The following SLC9A6 variants were observed in gnomAD, a reference collection of about 807,000 sequenced individuals.
SLC9A6 encodes solute carrier family 9 member A6, also known as sodium/hydrogen exchanger 6.
In SLC9A6, 6 loss-of-function variants were observed where a neutral mutation model predicts 45.3. The ratio of observed to expected loss-of-function variants is 0.13; its 90% CI spans 0.07 to 0.26. The LOEUF (loss-of-function observed/expected upper bound fraction) is 0.26. SLC9A6 is among the 10% of genes least tolerant of loss of function. The pLI is 1.00. For synonymous variants in SLC9A6, 191 were observed against 187.7 expected, an observed-to-expected ratio of 1.02 and a Z score of -0.14; for missense variants, 278 against 503.7, an observed-to-expected ratio of 0.55 and a Z score of 4.29.
chrX:135,989,120 C>T (rs189582706), intron 2 of SLC9A6, among the ~76,000 whole-genome samples: 21 of 111,409 alleles, frequency 1.9e-4, no homozygotes, highest in African/African-American at 5.5e-4. Flanking sequence ...GGGTTAGCTA[C>T]GTAAATCCTG....
rs1350533279 is a variant in SLC9A6 at position 136,046,344 on chromosome X, G to A, written c.*1620G>A. ...GTACCCTTTCGTGGCAGCTTTGACT[G>A]TTGGCATAGCCATTTGTTATGTAGT... On this transcript the variant is annotated 3_prime_UTR_variant, in exon 18 of 18. Coordinates refer to ENST00000630721, the MANE Select transcript of SLC9A6 (RefSeq NM_001379110.1). 4 of 112,516 alleles carry A rather than the reference G, an allele frequency of 3.6e-5. No homozygotes were observed. Among genetic ancestry groups the A allele is most frequent in the African/African-American group, 1.3e-4 (4 of 30,806 alleles). The allele number at this position is 112,516 out of a possible 1,213,427, so 9.3% of individuals were successfully genotyped here.
intron 11 of SLC9A6, among the ~76,000 whole-genome samples, chrX:136,017,074 G>A (rs188035012): frequency 1.2e-4 from 13 of 111,666 alleles, no homozygotes; most frequent in Admixed American, 3.8e-4. Context: ...GCAGTTAGCA[G>A]TCTATGCCAC....
chrX:136,004,369 G>A (rs1427213824), intron 7 of SLC9A6, among the ~76,000 whole-genome samples: 1 of 110,441 alleles, frequency 9.1e-6, no homozygotes, highest in East Asian at 2.8e-4. Flanking sequence ...AATTACAGGC[G>A]TGAGCCACCA....
At chrX:136,024,744 C>T (rs374286340) in intron 13 of SLC9A6, among the ~76,000 whole-genome samples, 13 of 111,700 alleles carry the variant, frequency 1.2e-4, no homozygotes, top group African/African-American at 4.2e-4. Flanking sequence ...TGAAGGTACT[C>T]TTGTAGCCTG....
intron 3 of SLC9A6, among the ~76,000 whole-genome samples, chrX:135,996,920 C>A (rs1264874983): frequency 9.1e-6 from 1 of 109,761 alleles, no homozygotes; most frequent in Admixed American, 9.7e-5. Context: ...GCGCCCGCCA[C>A]CACGCCCGGC....
At chrX:136,003,897 A>C (rs1249482542) in intron 7 of SLC9A6, among the ~76,000 whole-genome samples, 1 of 110,559 alleles carries the variant, frequency 9.0e-6, no homozygotes. Context: ...TAATCTCTAG[A>C]AGTGTTAATA....
At chrX:135,975,752 G>A (rs781791791) in intron 1 of SLC9A6, among the ~76,000 whole-genome samples, 3 of 111,858 alleles carry the variant, frequency 2.7e-5, no homozygotes, top group Non-Finnish European at 5.6e-5. Flanking sequence ...CTCACATTTT[G>A]ACAACCTTTT....
rs2279595 is a variant in SLC9A6, at chrX:136,030,034, T to G, written c.1551-98T>G. 0.032 allele frequency: 26,406 copies of G among 818,578 alleles called. 418 individuals carry two copies. Among genetic ancestry groups the G allele is most frequent in the South Asian group, 0.11 (5,092 of 48,351 alleles). The allele number at this position is 818,578 out of a possible 1,213,427, so 67.5% of individuals were successfully genotyped here. On this transcript the variant is annotated intron_variant, in intron 14 of 17. Transcript: ENST00000630721. ...AAGAAAACATTAACCATTCCATAGC[T>G]TCTGTGTTGAGAAAAGTAGTTGCCT... is the stretch of plus-strand genomic sequence containing the variant.
chrX:136,015,104 G>T (rs1556619126), intron 10 of SLC9A6, among the ~76,000 whole-genome samples: 1 of 112,806 alleles, frequency 8.9e-6, no homozygotes, highest in East Asian at 2.8e-4. Context: ...GCCACATCCG[G>T]CCCTTGCCAG....
intron 10 of SLC9A6, 54 bp downstream of exon 10, chrX:136,013,491 G>T: frequency 2.3e-6 from 2 of 871,957 alleles, no homozygotes; most frequent in Middle Eastern, 4.0e-4. Context: ...CAGCAAAATA[G>T]AAGTCTTTTT....
chrX:136,021,867 T>G (rs1029788028), intron 11 of SLC9A6, among the ~76,000 whole-genome samples: 4 of 112,013 alleles, frequency 3.6e-5, no homozygotes, highest in African/African-American at 1.3e-4. Flanking sequence ...TATATTTTTC[T>G]CAGGAAATGG....
At position 136,024,310 on chromosome X, in the gene SLC9A6, C is replaced by A. The variant is rs782640749; in HGVS notation, c.1307-20C>A. ...TTGGTAATGAGTTATTGAAGAAATA[C>A]CTTTTCTGTTCCCCTGTAGGCCTTC... On this transcript the variant is annotated intron_variant, in intron 12 of 17. Coordinates refer to ENST00000630721, the MANE Select transcript of SLC9A6 (RefSeq NM_001379110.1). 7.5e-6 allele frequency: 9 copies of A among 1,207,380 alleles called. No individual in the cohort carries two copies. The highest frequency in any genetic ancestry group is 1.0e-5 in the Non-Finnish European group (9 of 892,633).
chrX:136,012,507 C>T, intron 8 of SLC9A6, among the ~76,000 whole-genome samples: 1 of 112,929 alleles, frequency 8.9e-6, no homozygotes, highest in East Asian at 2.8e-4. Context: ...GGAATGAATG[C>T]TCTATATCAT....
At chrX:136,041,329 A>C (rs1283435482) in intron 17 of SLC9A6, among the ~76,000 whole-genome samples, 3 of 111,226 alleles carry the variant, frequency 2.7e-5, no homozygotes, top group Non-Finnish European at 5.7e-5. Flanking sequence ...ATTCCCTGTG[A>C]GTGAACCTCA....
intron 14 of SLC9A6, chrX:136,029,452 C>T (rs1470679631): frequency 9.0e-6 from 1 of 110,928 alleles, no homozygotes; most frequent in Admixed American, 9.6e-5. Flanking sequence ...CACGACAGAG[C>T]CCGTGAGCCT....
intron 16 of SLC9A6, among the ~76,000 whole-genome samples, chrX:136,036,837 A>T (rs1556621867): frequency 8.9e-6 from 1 of 112,749 alleles, no homozygotes; most frequent in Non-Finnish European, 1.9e-5. Flanking sequence ...TAGAAGTATG[A>T]TTGCTTTAAC....
At chrX:136,037,850 G>A (rs184720855) in intron 16 of SLC9A6, among the ~76,000 whole-genome samples, 4 of 112,760 alleles carry the variant, frequency 3.5e-5, no homozygotes, top group African/African-American at 1.3e-4. Flanking sequence ...GATTACAGGC[G>A]TGAGCCACTG....
chrX:136,042,713 A>G (rs987876966), intron 17 of SLC9A6, among the ~76,000 whole-genome samples: 1 of 111,525 alleles, frequency 9.0e-6, no homozygotes, highest in African/African-American at 3.3e-5. Context: ...TTTTACACAA[A>G]TGGGATTATA....
upstream of SLC9A6, among the ~76,000 whole-genome samples, chrX:135,982,106 C>T (rs184304319): frequency 4.5e-5 from 5 of 111,477 alleles, no homozygotes; most frequent in African/African-American, 1.6e-4. Context: ...ACGTGAAAAA[C>T]ATTCTTAGTT....
Sources: gnomAD v4.1 joint callset for allele counts (sites outside exome capture counted in the v4.1 genomes callset) on GRCh38, gnomAD v4.1.1 for gene constraint, MANE v1.5 for transcripts, NCBI Gene and HGNC (gene_info 2026-07-23, HGNC 2026-07-21) for gene names.